The following CEP162 variants were observed in gnomAD, a reference collection of about 807,000 sequenced individuals.
CEP162 encodes centrosomal protein of 162 kDa.
A neutral mutation model predicts 169.2 loss-of-function variants in CEP162; 141 were observed. The ratio of observed to expected loss-of-function variants is 0.83; its 90% CI spans 0.73 to 0.96. CEP162 has a LOEUF of 0.96. Among genes scored for constraint, CEP162 ranks in the 40% least tolerant of loss-of-function variants. CEP162 has a pLI of 0.00. For synonymous variants in CEP162, 540 were observed against 526.4 expected (o/e 1.03, Z -0.35); for missense variants, 1,600 against 1,587.2 (o/e 1.01, Z -0.14).
chr6:84,222,214 T>C (rs761433587), intron 2 of CEP162, among the ~76,000 whole-genome samples: 1 of 152,122 alleles, frequency 6.6e-6, no homozygotes, highest in Non-Finnish European at 1.5e-5. Context: ...GCCTCCGAAA[T>C]GCCACAAATA....
intron 11 of CEP162, among the ~76,000 whole-genome samples, chr6:84,191,810 C>T: frequency 6.6e-6 from 1 of 152,158 alleles, no homozygotes; most frequent in East Asian, 1.9e-4. Context: ...CAGAGACTGA[C>T]TAGATACTGA....
chr6:84,134,921 C>CACACACAT (rs1388973344), intron 25 of CEP162, among the ~76,000 whole-genome samples: 3 of 10,546 alleles, frequency 2.8e-4, no homozygotes, highest in African/African-American at 6.2e-4. Context: ...ATCATATATA[C>CACACACAT]ACACACACAC....
intron 21 of CEP162, among the ~76,000 whole-genome samples, chr6:84,158,245 T>C (rs1216596128): frequency 2.0e-5 from 3 of 152,224 alleles, no homozygotes; most frequent in South Asian, 2.1e-4. Flanking sequence ...GGTTAGACTG[T>C]GCCACCAGCT....
chr6:84,213,187 T>G (rs2099550177), intron 5 of CEP162, among the ~76,000 whole-genome samples, 163 bp from the exon 6 acceptor site: 1 of 152,162 alleles, frequency 6.6e-6, no homozygotes, highest in South Asian at 2.1e-4. Flanking sequence ...AAGGAAAACG[T>G]TTTGAAAATA....
chr6:84,155,167 C>G, intron 22 of CEP162, 131 bp downstream of exon 22: 1 of 711,732 alleles, frequency 1.4e-6, no homozygotes. Context: ...TTCTTTTGCA[C>G]CTATTGATAC....
At chr6:84,159,713 C>T (rs764172279) in intron 21 of CEP162, among the ~76,000 whole-genome samples, 1 of 150,386 alleles carries the variant, frequency 6.6e-6, no homozygotes, top group South Asian at 2.1e-4. Context: ...TACAGGTGTG[C>T]ACCACCAAGC....
At chr6:84,177,433 T>G (rs188809308) in intron 13 of CEP162, among the ~76,000 whole-genome samples, 2 of 152,222 alleles carry the variant, frequency 1.3e-5, no homozygotes, top group Admixed American at 1.3e-4. Flanking sequence ...TCACGTGGCC[T>G]GTATGTGGCA....
At chr6:84,194,682 G>C (rs1588849056) in intron 10 of CEP162, among the ~76,000 whole-genome samples, 2 of 152,052 alleles carry the variant, frequency 1.3e-5, no homozygotes, top group African/African-American at 4.8e-5. Context: ...TCAATCTCTT[G>C]ACCTCGTGAT....
At chr6:84,130,238 G>T (rs1666501000) in intron 25 of CEP162, among the ~76,000 whole-genome samples, 1 of 152,176 alleles carries the variant, frequency 6.6e-6, no homozygotes, top group African/African-American at 2.4e-5. Context: ...GCTTTTTGAT[G>T]TGCTGCTGGA....
chr6:84,161,027 AT>A, intron 20 of CEP162, 111 bp from the exon 21 acceptor site: 1 of 736,350 alleles, frequency 1.4e-6, no homozygotes. Context: ...CCTCAGCAAA[AT>A]TTGGGGAATT....
Position 84,174,943 on chromosome 6 carries a change from T to C in CEP162, c.1809A>G (p.Gly603=). Residue 603 remains glycine (G), a synonymous_variant, in exon 15 of 27, where the codon GGA becomes GGG. Transcript: ENST00000403245. ...TCTTCTCCTTGTTCTCACCACAGTA[T>C]CCTAAGGAATCCTTTCAAGACAAAG... ...SCIQFQTDSL[G]YCGENKEKKL... is the part of the protein sequence containing the mutation. The C allele has an allele frequency of 6.3e-7, 1 of 1,593,016 alleles. No homozygotes were observed. Among genetic ancestry groups the C allele is most frequent in the Non-Finnish European group, 8.6e-7 (1 of 1,166,694 alleles).
intron 5 of CEP162, 26 bp downstream of exon 5, chr6:84,215,256 C>A (rs2099551099): frequency 1.6e-6 from 2 of 1,277,758 alleles, no homozygotes; most frequent in African/African-American, 1.5e-5. Flanking sequence ...TCATAAAAAT[C>A]ATTAATAGTT....
In CEP162 at chr6:84,171,692, TA is replaced by T; in HGVS notation, c.2192del (p.Val731GlufsTer26). 2.6e-6 allele frequency: 4 copies of T among 1,513,510 alleles called. No homozygotes were observed. The highest frequency in any genetic ancestry group is 1.3e-5 in the South Asian group (1 of 77,210). The allele number at this position is 1,513,510 out of a possible 1,614,324, so 93.8% of individuals were successfully genotyped here. On this transcript the variant is annotated frameshift_variant, in exon 17 of 27. Coordinates refer to ENST00000403245, the MANE Select transcript of CEP162 (RefSeq NM_014895.4). LOFTEE classifies it high-confidence loss of function. ...TCTTGTTTTGTTCTTGGAGATCTTT[TA>T]CTTGATTATATAATCGTTCATTTTC... ...QQENERLYNQ[V>X]KDLQEQNKKN... is the part of the protein sequence containing the mutation.
chr6:84,140,914 A>G (rs954719441), intron 25 of CEP162, among the ~76,000 whole-genome samples: 1 of 152,156 alleles, frequency 6.6e-6, no homozygotes, highest in Non-Finnish European at 1.5e-5. Flanking sequence ...TGTGGAAGAC[A>G]ATTCTTCCAC....
At chr6:84,195,208 A>C in intron 9 of CEP162, 133 bp from the exon 10 acceptor site, 2 of 711,762 alleles carry the variant, frequency 2.8e-6, no homozygotes, top group Non-Finnish European at 4.5e-6. Flanking sequence ...ATTTGCAGCT[A>C]TGGCCTACCA....
intron 22 of CEP162, among the ~76,000 whole-genome samples, chr6:84,154,331 T>C (rs1166804165): frequency 7.3e-6 from 1 of 137,284 alleles, no homozygotes; most frequent in African/African-American, 3.1e-5. Flanking sequence ...TATCTATCTA[T>C]CTGTCTGTCT....
intron 2 of CEP162, 43 bp downstream of exon 2, chr6:84,226,294 T>C: frequency 7.6e-7 from 1 of 1,318,590 alleles, no homozygotes; most frequent in Non-Finnish European, 1.1e-6. Flanking sequence ...ATGAGTCTTT[T>C]GAGACAAATT....
At position 84,155,399 on chromosome 6, in the gene CEP162, T is replaced by A; in HGVS notation, c.2893A>T (p.Met965Leu). 1.2e-6 allele frequency: 2 copies of A among 1,613,588 alleles called. No homozygotes were observed. Among genetic ancestry groups the A allele is most frequent in the Non-Finnish European group, 1.7e-6 (2 of 1,179,630 alleles). ...TCTAGCTTTTTTATCCTTTTCTCCATAAATTCCACTGTATTTTTATCCACT... is the reference window on the plus strand; with the variant it reads ...TCTAGCTTTTTTATCCTTTTCTCCAAAAATTCCACTGTATTTTTATCCACT... ...DTVDKNTVEF[M>L]EKRIKKLEAD... Residue 965 changes from methionine (M) to leucine (L), a missense_variant, in exon 22 of 27, where the codon ATG becomes TTG. Coordinates refer to ENST00000403245, the MANE Select transcript of CEP162 (RefSeq NM_014895.4).
chr6:84,172,610 T>C (rs1329829407), intron 16 of CEP162, among the ~76,000 whole-genome samples: 2 of 152,172 alleles, frequency 1.3e-5, no homozygotes, highest in Non-Finnish European at 2.9e-5. Context: ...GTCTGTTAAA[T>C]TTTCTTAAAA....
Sources: allele counts gnomAD v4.1 joint callset (sites outside exome capture counted in the v4.1 genomes callset), GRCh38; gene constraint gnomAD v4.1.1; transcripts MANE v1.5; gene names NCBI Gene and HGNC (gene_info 2026-07-23, HGNC 2026-07-21).